Variants in MDFIC2 observed in about 807,000 individuals in gnomAD.
The protein encoded by MDFIC2 is MyoD family inhibitor domain containing 2.
intron 2 of MDFIC2, among the ~76,000 whole-genome samples, chr3:70,276,680 G>A (rs1702029995): frequency 6.6e-6 from 1 of 152,148 alleles, no homozygotes; most frequent in East Asian, 1.9e-4. Context: ...ATGGCCTACT[G>A]CATTTTTTTG....
chr3:70,266,637 G>C (rs72943359), intron 2 of MDFIC2, among the ~76,000 whole-genome samples: 1 of 151,814 alleles, frequency 6.6e-6, no homozygotes, highest in Non-Finnish European at 1.5e-5. Flanking sequence ...GTGAAGACAG[G>C]ATCTCCCTAT....
chr3:70,296,813 C>T (rs190139333), intron 2 of MDFIC2, among the ~76,000 whole-genome samples: 1 of 152,242 alleles, frequency 6.6e-6, no homozygotes, highest in East Asian at 1.9e-4. Context: ...TCAGCCCACA[C>T]TGTAGCTGGA....
chr3:70,201,395 G>C (rs545538179), intron 3 of MDFIC2, among the ~76,000 whole-genome samples: 2 of 152,106 alleles, frequency 1.3e-5, no homozygotes, highest in Non-Finnish European at 2.9e-5. Flanking sequence ...TTTTACAGCT[G>C]TGTAGTTCTC....
intron 3 of MDFIC2, among the ~76,000 whole-genome samples, chr3:70,197,448 A>G (rs1201670986): frequency 2.0e-5 from 3 of 152,134 alleles, no homozygotes; most frequent in Non-Finnish European, 4.4e-5. Flanking sequence ...TCAGTTTTCT[A>G]AACTCCTTTA....
chr3:70,246,796 A>AG (rs1559544040), intron 2 of MDFIC2, among the ~76,000 whole-genome samples: 2 of 152,074 alleles, frequency 1.3e-5, no homozygotes. Context: ...ACATTTTTAG[A>AG]GGGAAAAAAA....
At chr3:70,246,955 G>A (rs930280722) in intron 2 of MDFIC2, among the ~76,000 whole-genome samples, 4 of 151,906 alleles carry the variant, frequency 2.6e-5, no homozygotes, top group African/African-American at 9.7e-5. Context: ...GTTCTGGATG[G>A]AATATTCATG....
chr3:70,198,496 A>G (rs1701203332), intron 3 of MDFIC2, among the ~76,000 whole-genome samples: 1 of 152,232 alleles, frequency 6.6e-6, no homozygotes, highest in African/African-American at 2.4e-5. Flanking sequence ...AAATATTTTA[A>G]AGAAAGCCAC....
At chr3:70,229,119 T>A (rs1457506031) in intron 2 of MDFIC2, among the ~76,000 whole-genome samples, 1 of 152,180 alleles carries the variant, frequency 6.6e-6, no homozygotes, top group Non-Finnish European at 1.5e-5. Flanking sequence ...GGATGTACCC[T>A]CTCTTTTATC....
chr3:70,309,457 T>A (rs887607398), intron 2 of MDFIC2, among the ~76,000 whole-genome samples: 2 of 152,086 alleles, frequency 1.3e-5, no homozygotes, highest in African/African-American at 4.8e-5. Flanking sequence ...AACAGAGAAG[T>A]AATGAAATCA....
At chr3:70,238,389 A>G (rs571797255) in intron 2 of MDFIC2, among the ~76,000 whole-genome samples, 2 of 152,078 alleles carry the variant, frequency 1.3e-5, no homozygotes, top group Non-Finnish European at 2.9e-5. Context: ...CAAGAGGATC[A>G]TTTGAGCCCA....
chr3:70,199,132 A>C (rs1033736113), intron 3 of MDFIC2, among the ~76,000 whole-genome samples: 1 of 152,160 alleles, frequency 6.6e-6, no homozygotes, highest in Non-Finnish European at 1.5e-5. Context: ...AGTCCACTGG[A>C]TCCTGTCCTT....
At chr3:70,272,061 C>T (rs897524743) in intron 2 of MDFIC2, 1 of 152,256 alleles carries the variant, frequency 6.6e-6, no homozygotes, top group Non-Finnish European at 1.5e-5. Flanking sequence ...CTGTGTCTGG[C>T]TATGGCTAAC....
chr3:70,223,030 G>T (rs917564611), intron 2 of MDFIC2, among the ~76,000 whole-genome samples: 3 of 152,116 alleles, frequency 2.0e-5, no homozygotes, highest in Admixed American at 6.6e-5. Flanking sequence ...GTATGAGTTA[G>T]GGGCAGGCTT....
chr3:70,211,097 A>C (rs1306611731), intron 2 of MDFIC2, among the ~76,000 whole-genome samples: 4 of 152,102 alleles, frequency 2.6e-5, no homozygotes, highest in Non-Finnish European at 5.9e-5. Context: ...TTCATAGATA[A>C]AAGCATTCAA....
At chr3:70,255,880 G>A (rs1701810684) in intron 2 of MDFIC2, among the ~76,000 whole-genome samples, 1 of 152,120 alleles carries the variant, frequency 6.6e-6, no homozygotes, top group Admixed American at 6.6e-5. Context: ...TCTTGTTTAG[G>A]TGCAAACTGT....
At chr3:70,221,661 C>A (rs1701460773) in intron 2 of MDFIC2, among the ~76,000 whole-genome samples, 1 of 152,102 alleles carries the variant, frequency 6.6e-6, no homozygotes, top group African/African-American at 2.4e-5. Context: ...CCCTGAATGA[C>A]AAGTGACTGG....
At chr3:70,223,948 T>A (rs1041460245) in intron 2 of MDFIC2, among the ~76,000 whole-genome samples, 2 of 152,150 alleles carry the variant, frequency 1.3e-5, no homozygotes, top group African/African-American at 4.8e-5. Context: ...TTGGTTTTGT[T>A]TCTTTCTTGA....
intron 2 of MDFIC2, among the ~76,000 whole-genome samples, chr3:70,223,088 C>T (rs1701474681): frequency 1.3e-5 from 2 of 152,256 alleles, no homozygotes; most frequent in East Asian, 3.9e-4. Flanking sequence ...GAAAATGTGG[C>T]AAGTCTTATG....
At chr3:70,265,149 A>G (rs1393335299) in intron 2 of MDFIC2, among the ~76,000 whole-genome samples, 1 of 152,198 alleles carries the variant, frequency 6.6e-6, no homozygotes, top group Admixed American at 6.5e-5. Flanking sequence ...GGGAGCTACA[A>G]TTCAAGATTG....
Sources: gnomAD v4.1 joint callset for allele counts (sites outside exome capture counted in the v4.1 genomes callset) on GRCh38, gnomAD v4.1.1 for gene constraint, MANE v1.5 for transcripts, NCBI Gene and HGNC (gene_info 2026-07-23, HGNC 2026-07-21) for gene names.